The following ACE variants were observed in gnomAD, a reference collection of about 807,000 sequenced individuals.
The protein encoded by ACE is angiotensin I converting enzyme, also known as angiotensin-converting enzyme.
Under a neutral mutation model 162.3 loss-of-function variants are expected in ACE, and 122 were observed. That is an observed-to-expected ratio of 0.75 (90% CI 0.65 to 0.87). The LOEUF (loss-of-function observed/expected upper bound fraction) is 0.87. Ranked by LOEUF, ACE falls within the 40% of genes least tolerant of loss-of-function variation. The probability of loss-of-function intolerance (pLI) is 0.00; values close to 1 mark genes in which losing one functional copy is unlikely to be tolerated. For synonymous variants in ACE, 796 were observed against 720.6 expected, an observed-to-expected ratio of 1.10 and a Z score of -1.68; for missense variants, 1,799 against 1,735.1, an observed-to-expected ratio of 1.04 and a Z score of -0.65.
intron 15 of ACE, 103 bp from the exon 16 acceptor site, chr17:63,488,545 T>TTTTTTTTTTTTAGACGGA: frequency 3.1e-6 from 4 of 1,281,518 alleles, no homozygotes; most frequent in Non-Finnish European, 3.3e-6. Flanking sequence ...GTCACTTTTA[T>TTTTTTTTTTTTAGACGGA]GTGGTTTCGC....
intron 13 of ACE, among the ~76,000 whole-genome samples, chr17:63,486,055 A>T (rs146664991): frequency 6.6e-6 from 1 of 152,212 alleles, no homozygotes; most frequent in Non-Finnish European, 1.5e-5. Flanking sequence ...TGTCTCCTCT[A>T]CAAAAGGGGC....
chr17:63,479,441 A>G (rs1187082544), intron 3 of ACE, among the ~76,000 whole-genome samples: 22 of 149,836 alleles, frequency 1.5e-4, no homozygotes, highest in Admixed American at 1.5e-3. Context: ...TTCCCCTTAA[A>G]CCCCGCTCCA....
In ACE at chr17:63,479,015, C is replaced by T; in HGVS notation, c.426C>T (p.Ala142=). The part of the protein sequence containing the change: ...LPLAKRQQYN[A]LLSNMSRIYS... ...CCCCTCTGACTCCCCAGTACAACGC[C>T]CTGCTAAGCAACATGAGCAGGATCT... Residue 142 remains alanine, a synonymous_variant, in exon 3 of 25, where the codon GCC becomes GCT. Coordinates refer to ENST00000290866, the MANE Select transcript of ACE (RefSeq NM_000789.4). The T allele has an allele frequency of 2.5e-6, 4 of 1,613,592 alleles. No individual in the cohort carries two copies. Among genetic ancestry groups the T allele is most frequent in the Non-Finnish European group, 3.4e-6 (4 of 1,179,886 alleles).
Position 63,496,866 on chromosome 17 carries a change from A to AG in ACE, c.3572_3573insG (p.Asn1191LysfsTer119). On this transcript the variant is annotated frameshift_variant, in exon 24 of 25. Coordinates refer to ENST00000290866, the MANE Select transcript of ACE (RefSeq NM_000789.4). LOFTEE classifies it high-confidence loss of function. ...ATGCAGCTGATCACGGGCCAGCCCA[A>AG]CATGAGCGCCTCGGCCATGTTGAGC... 1 of 1,613,666 alleles carries AG rather than the reference A, an allele frequency of 6.2e-7. No homozygotes were observed. The highest frequency in any genetic ancestry group is 8.5e-7 in the Non-Finnish European group (1 of 1,180,032).
chr17:63,492,739 G>A (rs1399041070), intron 19 of ACE, among the ~76,000 whole-genome samples: 2 of 152,234 alleles, frequency 1.3e-5, no homozygotes, highest in Non-Finnish European at 2.9e-5. Flanking sequence ...CAACAAGGAA[G>A]GGCTGGGTGC....
In ACE at chr17:63,479,897, G is replaced by A. The variant is rs142677199; in HGVS notation, c.640G>A (p.Ala214Thr). Residue 214 changes from alanine (A) to threonine (T), a missense_variant, in exon 4 of 25, where the codon GCC (alanine) becomes ACC (threonine). Transcript: ENST00000290866. The part of the protein sequence containing the change: ...YEDFTALSNE[A>T]YKQDGFTDTG... ...GGATTTCACTGCCCTCAGCAATGAA[G>A]CCTACAAGCAGGACGGTGAGCAGGC... 34 of 1,611,316 alleles carry A rather than the reference G, an allele frequency of 2.1e-5. No individual in the cohort carries two copies. Among genetic ancestry groups the A allele is most frequent in the South Asian group, 1.4e-4 (13 of 91,062 alleles).
chr17:63,477,886 C>T, intron 1 of ACE, 45 bp from the exon 2 acceptor site: 1 of 1,576,078 alleles, frequency 6.3e-7, no homozygotes, highest in South Asian at 1.2e-5. Flanking sequence ...TGGCCTGCAT[C>T]TAAGCAGGGT....
At chr17:63,477,575 G>A in intron 1 of ACE, 2 of 323,298 alleles carry the variant, frequency 6.2e-6, no homozygotes, top group Non-Finnish European at 5.2e-6. Flanking sequence ...GGCCGCGCCC[G>A]CCTTCGCCGA....
intron 9 of ACE, 50 bp downstream of exon 9, chr17:63,483,223 T>C: frequency 6.2e-7 from 1 of 1,611,766 alleles, no homozygotes; most frequent in Non-Finnish European, 8.5e-7. Flanking sequence ...CTCCCCAGCC[T>C]CCTGGACAGC....
At chr17:63,482,320 A>AT in intron 7 of ACE, 146 bp from the exon 8 acceptor site, 1 of 713,018 alleles carries the variant, frequency 1.4e-6, no homozygotes, top group Non-Finnish European at 2.4e-6. Flanking sequence ...AAAGAAAAAA[A>AT]GAAGTTACTT....
chr17:63,489,415 T>C (rs538617821), intron 17 of ACE, among the ~76,000 whole-genome samples: 4 of 152,186 alleles, frequency 2.6e-5, no homozygotes, highest in African/African-American at 9.6e-5. Context: ...CATCACAACA[T>C]TGTGTGATCT....
At chr17:63,488,508 C>T (rs2030125993) in intron 15 of ACE, 140 bp from the exon 16 acceptor site, 1 of 348,030 alleles carries the variant, frequency 2.9e-6, no homozygotes, top group Non-Finnish European at 4.2e-6. Flanking sequence ...TCCTTTCTCC[C>T]ATTTCTCTAG....
rs1232994000 is a variant in ACE at position 63,479,713 on chromosome 17, C to T, written c.512-56C>T. 15 of 1,606,980 alleles carry T rather than the reference C, an allele frequency of 9.3e-6. 1 individual carries two copies. The highest frequency in any genetic ancestry group is 5.5e-5 in the South Asian group (5 of 90,996). ...GACTGGTGCAGGCTCTGGTGAAGGC[C>T]GTTGAAGACTTCAACGTGGAGGCCT... On this transcript the variant is annotated intron_variant, in intron 3 of 24. Transcript: ENST00000290866.
intron 1 of ACE, 37 bp from the exon 2 acceptor site, chr17:63,477,894 G>T: frequency 6.3e-7 from 1 of 1,587,816 alleles, no homozygotes; most frequent in Middle Eastern, 1.7e-4. Context: ...ATCTAAGCAG[G>T]GTCCTACACC....
rs748728704 is a variant in ACE at position 63,483,837 on chromosome 17, C to T, written c.1587-12C>T. The T allele has an allele frequency of 6.2e-7, 1 of 1,614,016 alleles. No individual in the cohort carries two copies. The highest frequency in any genetic ancestry group is 1.7e-5 in the Admixed American group (1 of 60,026). The stretch of plus-strand genomic sequence containing the variant: ...CCCATGATCTTCCCTGACTCCCACC[C>T]TGTGCCTGCAGGTACTTTGTGAGTT... On this transcript the variant is annotated splice_polypyrimidine_tract_variant and intron_variant, in intron 10 of 24. Transcript: ENST00000290866.
chr17:63,496,359 A>G (rs1414395616), intron 22 of ACE, 35 bp from the exon 23 acceptor site: 4 of 1,613,122 alleles, frequency 2.5e-6, no homozygotes, highest in Non-Finnish European at 3.4e-6. Context: ...CCCTCAACCA[A>G]CTCCGCCCCG....
rs577915663 is a variant in ACE, at chr17:63,479,913, G to A, written c.655+1G>A. ...AGCAATGAAGCCTACAAGCAGGACG[G>A]TGAGCAGGCCTCTCCCTGTCCAGGA... On this transcript the variant is annotated splice_donor_variant, in intron 4 of 24. Coordinates refer to ENST00000290866, the MANE Select transcript of ACE (RefSeq NM_000789.4). LOFTEE classifies it high-confidence loss of function. The A allele has an allele frequency of 1.2e-6, 2 of 1,608,028 alleles. No individual in the cohort carries two copies. The highest frequency in any genetic ancestry group is 2.2e-5 in the East Asian group (1 of 44,818).
At chr17:63,478,302 G>A (rs1212227430) in intron 2 of ACE, 5 of 683,948 alleles carry the variant, frequency 7.3e-6, no homozygotes, top group African/African-American at 1.8e-5. Flanking sequence ...TCTGTTAAAG[G>A]AAGCATTCTG....
chr17:63,496,722 T>C, intron 23 of ACE, 76 bp from the exon 24 acceptor site: 1 of 1,597,534 alleles, frequency 6.3e-7, no homozygotes, highest in Non-Finnish European at 8.5e-7. Flanking sequence ...GGAGTGGGTA[T>C]GGAGAGTGGA....
Sources: gnomAD v4.1 joint callset for allele counts (sites outside exome capture counted in the v4.1 genomes callset) on GRCh38, gnomAD v4.1.1 for gene constraint, MANE v1.5 for transcripts, NCBI Gene and HGNC (gene_info 2026-07-23, HGNC 2026-07-21) for gene names.